Variants in RERE observed in about 807,000 individuals in gnomAD.
The protein encoded by RERE is arginine-glutamic acid dipeptide repeats.
RERE carries 40 observed loss-of-function variants against 146.1 expected under a neutral mutation model. That is an observed-to-expected ratio of 0.27 (90% CI 0.21 to 0.36). The LOEUF is 0.36. Among genes scored for constraint, RERE ranks in the 10% least tolerant of loss-of-function variants. RERE has a pLI of 1.00. For missense variants in RERE, 1,933 were observed against 2,138.7 expected (o/e 0.90, Z 1.90); for synonymous variants, 1,003 against 866.0 (o/e 1.16, Z -2.78).
intron 1 of RERE, among the ~76,000 whole-genome samples, chr1:8,805,003 T>TTTG (rs1641658919): frequency 9.2e-6 from 1 of 108,518 alleles, no homozygotes; most frequent in African/African-American, 3.7e-5. Flanking sequence ...TTTGTTTTGT[T>TTTG]TTTGGTTTTT....
Position 8,361,011 on chromosome 1 carries a change from C to G in RERE, c.2496G>C (p.Ser832=), listed in dbSNP as rs372539432. Residue 832 remains serine (S), a synonymous_variant, in exon 18 of 23, where the codon TCG becomes TCC. Coordinates refer to ENST00000400908, the MANE Select transcript of RERE (RefSeq NM_001042681.2). ...PHPPLQPLTG[S]AGQPSAPSHA... is the part of the protein sequence containing the mutation. ...GAGAGGGTGCAGAAGGCTGGCCCGCCGACCCAGTCAGAGGCTGCAGCGGGG... is the reference window on the plus strand; with the variant it reads ...GAGAGGGTGCAGAAGGCTGGCCCGCGGACCCAGTCAGAGGCTGCAGCGGGG... 1 of 1,434,182 alleles carries G rather than the reference C, an allele frequency of 7.0e-7. No homozygotes were observed. Among genetic ancestry groups the G allele is most frequent in the African/African-American group, 1.4e-5 (1 of 69,096 alleles). The allele number at this position is 1,434,182 out of a possible 1,614,324, so 88.8% of individuals were successfully genotyped here. A position where few individuals can be genotyped will look rare whatever the true frequency, so the allele number is the denominator to read the frequency against.
intron 12 of RERE, among the ~76,000 whole-genome samples, chr1:8,420,085 G>A (rs1643884119): frequency 6.6e-6 from 1 of 152,186 alleles, no homozygotes; most frequent in Non-Finnish European, 1.5e-5. Context: ...TGCCCAATCA[G>A]GCATGTTCTT....
intron 10 of RERE, among the ~76,000 whole-genome samples, chr1:8,480,114 T>C (rs1216547085): frequency 1.3e-5 from 2 of 148,164 alleles, no homozygotes; most frequent in African/African-American, 5.0e-5. Flanking sequence ...ATGATTTTAT[T>C]AAAGCCTTTT....
At chr1:8,703,664 T>C (rs908039799) in intron 1 of RERE, among the ~76,000 whole-genome samples, 1 of 152,278 alleles carries the variant, frequency 6.6e-6, no homozygotes, top group Non-Finnish European at 1.5e-5. Context: ...AGCTAGAAAA[T>C]GCATCTGCAA....
intron 12 of RERE, among the ~76,000 whole-genome samples, chr1:8,367,591 G>T (rs917621501): frequency 1.3e-5 from 2 of 152,172 alleles, no homozygotes; most frequent in African/African-American, 4.8e-5. Context: ...AGCAGGGCCA[G>T]GGAGCCATCT....
intron 10 of RERE, among the ~76,000 whole-genome samples, chr1:8,488,620 A>G (rs1644936336): frequency 1.3e-5 from 2 of 152,220 alleles, no homozygotes; most frequent in Admixed American, 1.3e-4. Context: ...CAAATAGCCA[A>G]AGCAATCTTT....
chr1:8,541,983 G>A (rs1161425857), intron 6 of RERE, among the ~76,000 whole-genome samples: 1 of 152,098 alleles, frequency 6.6e-6, no homozygotes, highest in East Asian at 1.9e-4. Context: ...AAGTTTTCAG[G>A]TTCATTTACC....
At chr1:8,476,673 C>T (rs1386682268) in intron 10 of RERE, among the ~76,000 whole-genome samples, 1 of 152,146 alleles carries the variant, frequency 6.6e-6, no homozygotes, top group Non-Finnish European at 1.5e-5. Context: ...GATTAACTTG[C>T]CTATGCTTTA....
At chr1:8,640,683 G>A (rs1185031757) in intron 2 of RERE, among the ~76,000 whole-genome samples, 1 of 152,148 alleles carries the variant, frequency 6.6e-6, no homozygotes, top group Non-Finnish European at 1.5e-5. Context: ...CATATATAAT[G>A]ACAAATAGTC....
At chr1:8,707,904 A>C (rs1482007819) in intron 1 of RERE, among the ~76,000 whole-genome samples, 1 of 152,226 alleles carries the variant, frequency 6.6e-6, no homozygotes, top group Non-Finnish European at 1.5e-5. Context: ...AGGTACAGTA[A>C]GATACTTTGA....
intron 1 of RERE, among the ~76,000 whole-genome samples, chr1:8,808,874 AC>A (rs1333061769): frequency 1.3e-5 from 2 of 152,168 alleles, no homozygotes; most frequent in Non-Finnish European, 2.9e-5. Flanking sequence ...GCAGTGACTC[AC>A]GCCTGTAATC....
At chr1:8,386,388 C>T (rs1454234432) in intron 12 of RERE, among the ~76,000 whole-genome samples, 1 of 150,954 alleles carries the variant, frequency 6.6e-6, no homozygotes, top group Non-Finnish European at 1.5e-5. Context: ...TGAGAACATT[C>T]CTGAGATCCT....
At chr1:8,774,492 T>C (rs1445962658) in intron 1 of RERE, among the ~76,000 whole-genome samples, 1 of 151,850 alleles carries the variant, frequency 6.6e-6, no homozygotes, top group Non-Finnish European at 1.5e-5. Context: ...TAGCTGGGAT[T>C]ACAGGCATGT....
At chr1:8,594,470 C>G (rs1250499695) in intron 4 of RERE, among the ~76,000 whole-genome samples, 1 of 152,144 alleles carries the variant, frequency 6.6e-6, no homozygotes, top group East Asian at 1.9e-4. Context: ...TGAGAATGTA[C>G]TGCATTTTAC....
intron 2 of RERE, among the ~76,000 whole-genome samples, chr1:8,649,926 A>G (rs1647526753): frequency 6.6e-6 from 1 of 152,144 alleles, no homozygotes. Context: ...AGGCTATAAC[A>G]GTATTTATTA....
At chr1:8,734,396 T>C (rs151327618) in intron 1 of RERE, among the ~76,000 whole-genome samples, 1 of 152,192 alleles carries the variant, frequency 6.6e-6, no homozygotes, top group East Asian at 1.9e-4. Flanking sequence ...CATCCTAGAG[T>C]AGAAATCTGA....
chr1:8,501,152 C>T, intron 8 of RERE, among the ~76,000 whole-genome samples: 1 of 147,516 alleles, frequency 6.8e-6, no homozygotes, highest in Admixed American at 6.7e-5. Flanking sequence ...GCTGCCCCGT[C>T]CGGGAGGGGG....
intron 1 of RERE, among the ~76,000 whole-genome samples, chr1:8,664,934 A>G (rs758212542): frequency 3.9e-5 from 6 of 152,208 alleles, no homozygotes; most frequent in Non-Finnish European, 8.8e-5. Context: ...TCCCCACTTT[A>G]CAATACGTCA....
At chr1:8,409,682 G>A (rs1214589730) in intron 12 of RERE, among the ~76,000 whole-genome samples, 2 of 152,298 alleles carry the variant, frequency 1.3e-5, no homozygotes, top group South Asian at 2.1e-4. Context: ...TCATGAAGGC[G>A]TATGTCTGCT....
Sources: gnomAD v4.1 joint callset for allele counts (sites outside exome capture counted in the v4.1 genomes callset) on GRCh38, gnomAD v4.1.1 for gene constraint, MANE v1.5 for transcripts, NCBI Gene and HGNC (gene_info 2026-07-23, HGNC 2026-07-21) for gene names.